Variants in INTS14 observed in about 807,000 individuals in gnomAD.
The protein encoded by INTS14 is integrator complex subunit 14.
A neutral mutation model predicts 56.9 loss-of-function variants in INTS14; 27 were observed. That is an observed-to-expected ratio of 0.47 (90% confidence interval 0.35 to 0.65). INTS14 has a LOEUF of 0.65. INTS14 is among the 30% of genes least tolerant of loss of function. INTS14 has a pLI of 0.00. For synonymous variants in INTS14, 207 were observed against 236.2 expected, an observed-to-expected ratio of 0.88 and a Z score of 1.13; for missense variants, 517 against 632.2, an observed-to-expected ratio of 0.82 and a Z score of 1.95.
chr15:65,595,273 G>T (rs2073172800), intron 7 of INTS14, among the ~76,000 whole-genome samples: 1 of 152,150 alleles, frequency 6.6e-6, no homozygotes. Context: ...GACCCACAAG[G>T]GCCTGGATTC....
chr15:65,610,256 G>A lies in INTS14; in HGVS notation c.-63+842C>T, dbSNP rs1596278260. 3.3e-5 allele frequency among the ~76,000 whole-genome samples: 5 copies of A among 152,252 alleles called. No individual in the cohort carries two copies. In the Middle Eastern group the frequency reaches 0.014, roughly 414 times the overall value. ...GCGCCTGTGGTTCTAGTACTTGGGA[G>A]GCTGAAATAGGAGAATTGCTTGAAC... is the stretch of plus-strand genomic sequence containing the variant. On this transcript the variant is annotated intron_variant, in intron 1 of 11. Transcript: ENST00000313182.
At chr15:65,604,387 T>C (rs980363799) in intron 3 of INTS14, among the ~76,000 whole-genome samples, 1 of 152,152 alleles carries the variant, frequency 6.6e-6, no homozygotes, top group African/African-American at 2.4e-5. Flanking sequence ...TGGCTAGATT[T>C]TATGTTTTAT....
chr15:65,584,127 GCCT>G, intron 10 of INTS14, among the ~76,000 whole-genome samples: 1 of 152,142 alleles, frequency 6.6e-6, no homozygotes. Flanking sequence ...TGAATACCAT[GCCT>G]GAAAGCATCA....
At chr15:65,590,746 C>T (rs988706950) in intron 9 of INTS14, among the ~76,000 whole-genome samples, 1 of 152,198 alleles carries the variant, frequency 6.6e-6, no homozygotes, top group African/African-American at 2.4e-5. Flanking sequence ...CTCCAGCTAA[C>T]TCTTTATCCC....
intron 6 of INTS14, among the ~76,000 whole-genome samples, chr15:65,596,278 AC>A (rs1267626269): frequency 6.6e-6 from 1 of 152,358 alleles, no homozygotes; most frequent in African/African-American, 2.4e-5. Context: ...TCTAAATATG[AC>A]AATGACTTCT....
chr15:65,607,767 C>T (rs1194437149), intron 1 of INTS14, among the ~76,000 whole-genome samples: 1 of 152,164 alleles, frequency 6.6e-6, no homozygotes, highest in Non-Finnish European at 1.5e-5. Context: ...CATCTCCTAA[C>T]ACTTAATTTA....
intron 6 of INTS14, among the ~76,000 whole-genome samples, chr15:65,596,298 T>C (rs1383181672): frequency 6.6e-6 from 1 of 152,190 alleles, no homozygotes; most frequent in African/African-American, 2.4e-5. Context: ...CTCTGCTTTA[T>C]AGACGCTGTA....
intron 11 of INTS14, among the ~76,000 whole-genome samples, chr15:65,581,523 G>A (rs946783679): frequency 7.7e-6 from 1 of 129,216 alleles, no homozygotes; most frequent in African/African-American, 3.1e-5. Context: ...ACTCCAGCCT[G>A]GGCAACAGAG....
Position 65,579,381 on chromosome 15 carries a change from A to ATTTC in INTS14, c.*26_*27insGAAA, listed in dbSNP as rs752538670. 7 of 1,597,624 alleles carry ATTTC rather than the reference A, an allele frequency of 4.4e-6. No homozygotes were observed. In the Admixed American group the frequency reaches 8.5e-5, roughly 19 times the overall value. ...TAAAGCATTTTCAGTTGAAATGAAAAAAGAAGGAAAGCTCCAAAAGTCAGT... is the reference window on the plus strand; with the variant it reads ...TAAAGCATTTTCAGTTGAAATGAAAATTTCAAGAAGGAAAGCTCCAAAAGTCAGT... On this transcript the variant is annotated 3_prime_UTR_variant, in exon 12 of 12. Coordinates refer to ENST00000313182, the MANE Select transcript of INTS14 (RefSeq NM_001394796.1).
intron 2 of INTS14, among the ~76,000 whole-genome samples, chr15:65,606,357 C>T (rs1426736989): frequency 6.6e-6 from 1 of 150,916 alleles, no homozygotes; most frequent in East Asian, 1.9e-4. Flanking sequence ...TATTTCTAAA[C>T]CACCTAACAA....
In INTS14 at chr15:65,581,237, G is replaced by A. The variant is rs367899594; in HGVS notation, c.1305+717C>T. Reference sequence around the variant, plus strand: ...TCTACTAAAAATACAAAAATTAGCCGGGCATGGTGGCACACACCTGTAATC... The same window carrying A: ...TCTACTAAAAATACAAAAATTAGCCAGGCATGGTGGCACACACCTGTAATC... On this transcript the variant is annotated intron_variant, in intron 11 of 11. Coordinates refer to ENST00000313182, the MANE Select transcript of INTS14 (RefSeq NM_001394796.1). Among the ~76,000 whole-genome samples the A allele has an allele frequency of 4.8e-4, 73 of 151,192 alleles. 1 individual carries two copies. The East Asian group carries it at 0.011, about 23-fold the overall frequency.
intron 2 of INTS14, among the ~76,000 whole-genome samples, chr15:65,606,950 C>A (rs1051201291): frequency 6.6e-6 from 1 of 152,152 alleles, no homozygotes; most frequent in Admixed American, 6.5e-5. Context: ...AATAAGGGAA[C>A]AACTCACAGC....
chr15:65,585,923 T>C (rs2072802734), intron 9 of INTS14, among the ~76,000 whole-genome samples: 1 of 152,140 alleles, frequency 6.6e-6, no homozygotes, highest in South Asian at 2.1e-4. Context: ...GGCCCAACTC[T>C]CCAGACGTAT....
chr15:65,595,027 T>C (rs2073163576), intron 7 of INTS14, among the ~76,000 whole-genome samples: 1 of 152,192 alleles, frequency 6.6e-6, no homozygotes, highest in Non-Finnish European at 1.5e-5. Flanking sequence ...AGAAAGCTGA[T>C]AAATATAAAG....
Position 65,591,654 on chromosome 15 carries a change from G to C in INTS14, c.1064C>G (p.Pro355Arg). Residue 355 changes from proline (P) to arginine (R), a missense_variant, in exon 9 of 12, where the codon CCT (proline) becomes CGT (arginine). Coordinates refer to ENST00000313182, the MANE Select transcript of INTS14 (RefSeq NM_001394796.1). ...KSNLMMSLFE[P>R]GPEPLPWLGK... is the part of the protein sequence containing the mutation. Reference sequence around the variant, plus strand: ...TAGCCATGGGAGAGGTTCTGGGCCAGGCTCAAAGAGAGACATCATGAGGTT... The same window carrying C: ...TAGCCATGGGAGAGGTTCTGGGCCACGCTCAAAGAGAGACATCATGAGGTT... 7.4e-6 allele frequency: 12 copies of C among 1,614,194 alleles called. No individual in the cohort carries two copies. The highest frequency in any genetic ancestry group is 1.3e-5 in the African/African-American group (1 of 75,050).
At chr15:65,609,986 G>A (rs897839080) in intron 1 of INTS14, among the ~76,000 whole-genome samples, 2 of 151,780 alleles carry the variant, frequency 1.3e-5, no homozygotes, top group Non-Finnish European at 2.9e-5. Flanking sequence ...TTACAAAGTC[G>A]TGGGAGATCA....
Position 65,579,449 on chromosome 15 carries a change from A to G in INTS14, c.1516T>C (p.Leu506=). The change falls in exon 12 of 12, where the codon TTG becomes CTG. Residue 506 remains leucine (L), a synonymous_variant. Transcript: ENST00000313182. ...YAAYDQNITP[L]HTDFSGSSTE... is the part of the protein sequence containing the mutation. ...CTGCTCCCAGAGAAGTCCGTGTGCA[A>G]AGGTGTGATGTTCTGGTCATAAGCG... 1 of 1,613,982 alleles carries G rather than the reference A, an allele frequency of 6.2e-7. No individual in the cohort carries two copies. The highest frequency in any genetic ancestry group is 2.2e-5 in the East Asian group (1 of 44,872).
intron 5 of INTS14, 21 bp from the exon 6 acceptor site, chr15:65,598,484 G>C (rs1294436147): frequency 6.2e-7 from 1 of 1,607,788 alleles, no homozygotes; most frequent in African/African-American, 1.3e-5. Context: ...ATAATTAATA[G>C]TTATAGGAAG....
chr15:65,602,667 G>GTT (rs77504217), intron 3 of INTS14, among the ~76,000 whole-genome samples: 28 of 143,096 alleles, frequency 2.0e-4, no homozygotes, highest in Admixed American at 7.7e-4. Flanking sequence ...CTACTACAAT[G>GTT]TTTTTTTTTT....
Sources: allele counts gnomAD v4.1 joint callset (sites outside exome capture counted in the v4.1 genomes callset), GRCh38; gene constraint gnomAD v4.1.1; transcripts MANE v1.5; gene names NCBI Gene and HGNC (gene_info 2026-07-23, HGNC 2026-07-21).